The following SEPTIN6 variants were observed in gnomAD, a reference collection of about 807,000 sequenced individuals.
SEPTIN6 encodes septin 6.
SEPTIN6 carries 8 observed loss-of-function variants against 33.6 expected under a neutral mutation model. The observed-to-expected ratio is 0.24, with a 90% confidence interval of 0.14 to 0.43. SEPTIN6 has a LOEUF of 0.43. SEPTIN6 is among the 20% of genes least tolerant of loss of function. SEPTIN6 has a pLI of 1.00. For missense variants in SEPTIN6, 250 were observed against 340.8 expected (o/e 0.73, Z 2.10); for synonymous variants, 131 against 140.0 (o/e 0.94, Z 0.45).
chrX:119,650,258 C>G (rs2054330208), intron 4 of SEPTIN6, among the ~76,000 whole-genome samples, 160 bp from the exon 5 acceptor site: 1 of 112,264 alleles, frequency 8.9e-6, no homozygotes, highest in Non-Finnish European at 1.9e-5. Context: ...ACGACAAGTA[C>G]TAACTATGTG....
chrX:119,621,771 C>A (rs1046292209), intron 10 of SEPTIN6, among the ~76,000 whole-genome samples: 1 of 101,118 alleles, frequency 9.9e-6, no homozygotes, highest in African/African-American at 3.7e-5. Context: ...GGATTACAGG[C>A]GTGAGCCATC....
intron 1 of SEPTIN6, among the ~76,000 whole-genome samples, chrX:119,680,748 C>T (rs1469623064): frequency 4.6e-5 from 5 of 108,616 alleles, no homozygotes; most frequent in African/African-American, 1.7e-4. Context: ...TTTGGGAGGC[C>T]GAGGCGGGTG....
chrX:119,630,624 A>T (rs763055808), intron 8 of SEPTIN6, among the ~76,000 whole-genome samples: 2 of 111,911 alleles, frequency 1.8e-5, no homozygotes, highest in African/African-American at 6.5e-5. Context: ...GAGTGCTGTA[A>T]TCCCAGTAGT....
intron 3 of SEPTIN6, among the ~76,000 whole-genome samples, chrX:119,654,103 G>A (rs1419510432): frequency 1.8e-5 from 2 of 110,430 alleles, no homozygotes; most frequent in Non-Finnish European, 3.8e-5. Flanking sequence ...AAGTATTCAG[G>A]CAAAATCTGG....
chrX:119,675,602 C>G lies in SEPTIN6; in HGVS notation c.97G>C (p.Val33Leu). The G allele has an allele frequency of 8.5e-7, 1 of 1,171,536 alleles. No homozygotes were observed. The highest frequency in any genetic ancestry group is 1.1e-6 in the Non-Finnish European group (1 of 871,951). Residue 33 changes from valine to leucine, a missense_variant, in exon 2 of 11, where the codon GTG becomes CTG. Val to Leu is a conservative substitution (Grantham distance 32, BLOSUM62 1). Coordinates refer to ENST00000394610, the MANE Select transcript of SEPTIN6 (RefSeq NM_145799.4). ...AAGCCCTGGCTGACGGACTTATTCA[C>G]CAGCTGGTCAGGCAAGCTGTCAAAC... is the stretch of plus-strand genomic sequence containing the variant. Reference protein sequence around the residue: ...VGFDSLPDQLVNKSVSQGFCF... With the variant: ...VGFDSLPDQLLNKSVSQGFCF...
intron 5 of SEPTIN6, among the ~76,000 whole-genome samples, chrX:119,643,426 C>T (rs2054190280): frequency 1.8e-5 from 2 of 110,005 alleles, no homozygotes; most frequent in Admixed American, 9.7e-5. Context: ...AAAACAAAGG[C>T]ATACAAAAAT....
intron 5 of SEPTIN6, among the ~76,000 whole-genome samples, chrX:119,643,789 G>A (rs939231857): frequency 9.0e-6 from 1 of 111,419 alleles, no homozygotes; most frequent in East Asian, 2.8e-4. Context: ...AAGCAGCAGC[G>A]AGGCCACCGA....
At chrX:119,662,153 C>T (rs1352358949) in intron 3 of SEPTIN6, among the ~76,000 whole-genome samples, 1 of 110,572 alleles carries the variant, frequency 9.0e-6, no homozygotes. Context: ...TTGTCTTTAG[C>T]CCAGTGTTCT....
At chrX:119,648,439 G>A (rs2054301553) in intron 5 of SEPTIN6, among the ~76,000 whole-genome samples, 1 of 111,537 alleles carries the variant, frequency 9.0e-6, no homozygotes, top group East Asian at 2.8e-4. Context: ...CCGTTTTTCT[G>A]CAGACTAGGC....
Position 119,693,081 on chromosome X carries a change from G to T in SEPTIN6, c.25C>A (p.Gln9Lys). Reference sequence around the variant, plus strand: ...CACCCAAGCTCTGCACTTACCACCTGGCGAGCTATATCGGTCGCTGCCATC... The same window carrying T: ...CACCCAAGCTCTGCACTTACCACCTTGCGAGCTATATCGGTCGCTGCCATC... MAATDIAR[Q>K]VGEGCRTVPL... The change falls in exon 1 of 11, where the codon CAG becomes AAG. Residue 9 changes from glutamine (Q) to lysine (K), a missense_variant. Coordinates refer to ENST00000394610, the MANE Select transcript of SEPTIN6 (RefSeq NM_145799.4). 8.5e-7 allele frequency: 1 copy of T among 1,173,876 alleles called. No individual in the cohort carries two copies. The highest frequency in any genetic ancestry group is 1.9e-5 in the South Asian group (1 of 53,063).
chrX:119,682,628 TCAAGAA>T (rs1346231577), intron 1 of SEPTIN6, among the ~76,000 whole-genome samples: 2 of 111,812 alleles, frequency 1.8e-5, no homozygotes, highest in Admixed American at 9.6e-5. Context: ...GTTCATATTA[TCAAGAA>T]CAAGTTATGG....
In SEPTIN6 at chrX:119,643,484, G is replaced by A. The variant is rs764147985; in HGVS notation, c.691-2696C>T. Among the ~76,000 whole-genome samples the A allele has an allele frequency of 4.5e-5, 5 of 110,673 alleles. No individual in the cohort carries two copies. The South Asian group carries it at 1.5e-3, about 34-fold the overall frequency. On this transcript the variant is annotated intron_variant, in intron 5 of 10. Coordinates refer to ENST00000394610, the MANE Select transcript of SEPTIN6 (RefSeq NM_145799.4). ...TGCATTTTTACCATCAAGAGACACC[G>A]TCAGAATGATAGGGTGACTTGCTTC...
chrX:119,645,761 A>T (rs1272389932), intron 5 of SEPTIN6, among the ~76,000 whole-genome samples: 1 of 110,532 alleles, frequency 9.0e-6, no homozygotes, highest in Admixed American at 9.6e-5. Flanking sequence ...CGATCTCTTG[A>T]CCTTGTGATT....
chrX:119,674,349 T>C, intron 2 of SEPTIN6, among the ~76,000 whole-genome samples: 1 of 110,321 alleles, frequency 9.1e-6, no homozygotes, highest in Non-Finnish European at 1.9e-5. Context: ...AATTTTGTTT[T>C]TGTATTTTTA....
intron 3 of SEPTIN6, among the ~76,000 whole-genome samples, chrX:119,660,678 C>T (rs1177471162): frequency 9.0e-6 from 1 of 110,968 alleles, no homozygotes; most frequent in African/African-American, 3.3e-5. Context: ...AATATCCTTT[C>T]TCCAAAGTTT....
chrX:119,626,154 G>A (rs991204492), intron 9 of SEPTIN6, among the ~76,000 whole-genome samples: 2 of 111,940 alleles, frequency 1.8e-5, no homozygotes, highest in African/African-American at 6.5e-5. Context: ...ATGCCAGCAG[G>A]GTTTTCACCC....
chrX:119,693,050 C>A (rs760293503), intron 1 of SEPTIN6, 26 bp downstream of exon 1: 2 of 1,169,505 alleles, frequency 1.7e-6, no homozygotes, highest in South Asian at 3.8e-5. Flanking sequence ...TCGGCCCCGG[C>A]CCTGGCACCC....
chrX:119,692,076 A>G (rs2147677700), intron 1 of SEPTIN6, among the ~76,000 whole-genome samples: 1 of 111,374 alleles, frequency 9.0e-6, no homozygotes, highest in South Asian at 3.8e-4. Context: ...TGCACATCCC[A>G]GGCTGGAAAA....
Position 119,629,434 on chromosome X carries a change from G to A in SEPTIN6, c.1164C>T (p.Ser388=), listed in dbSNP as rs1308050625. The change falls in exon 9 of 11, where the codon TCC becomes TCT. Residue 388 remains serine, a synonymous_variant. Transcript: ENST00000394610. ...TGAAAGCATTCACTTCATCATCCAG[G>A]GATTTCTTCTTATCCTCCAGTTTCT... is the stretch of plus-strand genomic sequence containing the variant. ...EKKKLEDKKK[S]LDDEVNAFKQ... 8.3e-7 allele frequency: 1 copy of A among 1,211,278 alleles called. No homozygotes were observed. Among genetic ancestry groups the A allele is most frequent in the East Asian group, 3.0e-5 (1 of 33,856 alleles).
Sources: allele counts gnomAD v4.1 joint callset (sites outside exome capture counted in the v4.1 genomes callset), GRCh38; gene constraint gnomAD v4.1.1; transcripts MANE v1.5; gene names NCBI Gene and HGNC (gene_info 2026-07-23, HGNC 2026-07-21).